NMBR: variants seen among roughly 807,000 people sequenced by gnomAD.
NMBR encodes neuromedin B receptor, also known as neuromedin-B receptor.
A neutral mutation model predicts 20.5 loss-of-function variants in NMBR; 16 were observed. The ratio of observed to expected loss-of-function variants is 0.78; its 90% CI spans 0.53 to 1.19. NMBR has a LOEUF of 1.19. Among genes scored for constraint, NMBR ranks in the 50% most tolerant of loss-of-function variants. The pLI is 0.00. For synonymous variants in NMBR, 212 were observed against 196.6 expected, an observed-to-expected ratio of 1.08 and a Z score of -0.65; for missense variants, 582 against 499.1, an observed-to-expected ratio of 1.17 and a Z score of -1.58.
chr6:142,122,354 G>A (rs1330703963), intron 1 of NMBR, among the ~76,000 whole-genome samples: 8 of 151,912 alleles, frequency 5.3e-5, no homozygotes, highest in Admixed American at 3.9e-4. Flanking sequence ...GAGGAAAGAA[G>A]CCATAAAAAT....
Position 142,147,114 on chromosome 6 carries a change from C to T in NMBR, c.-734G>A. On this transcript the variant is annotated 5_prime_UTR_variant, in exon 1 of 4. Transcript: ENST00000258042. ...TCGGGTCTTCTGTGGGTTCTAACCG[C>T]CGAGAGCCAAGCACCCTGAGGTTGT... 1.5e-6 allele frequency: 1 copy of T among 654,650 alleles called. No homozygotes were observed. The highest frequency in any genetic ancestry group is 2.6e-6 in the Non-Finnish European group (1 of 378,894). 40.6% of individuals were successfully genotyped at this position (654,650 alleles called of 1,614,324 possible).
At chr6:142,097,481 C>A (rs887448943) in intron 1 of NMBR, among the ~76,000 whole-genome samples, 1 of 151,936 alleles carries the variant, frequency 6.6e-6, no homozygotes, top group African/African-American at 2.4e-5. Context: ...TAAATAAAGT[C>A]AAAAAATCAT....
At chr6:142,087,331 C>A (rs1351475851) in intron 2 of NMBR, among the ~76,000 whole-genome samples, 1 of 152,162 alleles carries the variant, frequency 6.6e-6, no homozygotes, top group South Asian at 2.1e-4. Context: ...TAAGTCAGTC[C>A]TCCATTCCCA....
intron 1 of NMBR, among the ~76,000 whole-genome samples, chr6:142,127,837 T>A (rs1317813697): frequency 6.6e-6 from 1 of 152,138 alleles, no homozygotes; most frequent in African/African-American, 2.4e-5. Flanking sequence ...GTGTTGATTT[T>A]GTGTCCTGCA....
chr6:142,111,202 T>C, intron 1 of NMBR, among the ~76,000 whole-genome samples: 1 of 151,326 alleles, frequency 6.6e-6, no homozygotes, highest in South Asian at 2.1e-4. Flanking sequence ...ATCGTGCCAC[T>C]GCACTCCTGC....
intron 1 of NMBR, chr6:142,133,859 C>T (rs148882702): frequency 0.011 from 7,622 of 690,612 alleles, 114 homozygotes; most frequent in Middle Eastern, 0.016. Context: ...GGTTAAACCT[C>T]CAACTGTGAT....
At position 142,088,377 on chromosome 6, in the gene NMBR, G is replaced by A; in HGVS notation, c.282C>T (p.Leu94=). 3 of 1,614,150 alleles carry A rather than the reference G, an allele frequency of 1.9e-6. No homozygotes were observed. Among genetic ancestry groups the A allele is most frequent in the Non-Finnish European group, 2.5e-6 (3 of 1,180,020 alleles). The change falls in exon 2 of 4, where the codon CTC becomes CTT. Residue 94 remains leucine (L), a synonymous_variant. Transcript: ENST00000258042. ...NLAAGDLLLL[L]TCVPVDASRY... ...GCGAGGCGTCCACCGGGACGCAGGT[G>A]AGCAGCAGCAGCAAGTCCCCGGCCG... is the stretch of plus-strand genomic sequence containing the variant.
intron 1 of NMBR, chr6:142,134,939 T>C (rs1390714395): frequency 1.9e-6 from 1 of 531,914 alleles, no homozygotes; most frequent in African/African-American, 1.9e-5. Flanking sequence ...AATTACCTAT[T>C]GTCATGCTGC....
chr6:142,109,465 A>C (rs1033228955), intron 1 of NMBR, among the ~76,000 whole-genome samples: 1 of 148,792 alleles, frequency 6.7e-6, no homozygotes, highest in Non-Finnish European at 1.5e-5. Flanking sequence ...TGTGTAAGAC[A>C]TTGGGTATGT....
chr6:142,110,723 A>T (rs1314528302), intron 1 of NMBR, among the ~76,000 whole-genome samples: 1 of 152,204 alleles, frequency 6.6e-6, no homozygotes, highest in Admixed American at 6.5e-5. Context: ...ATGGCATGTG[A>T]TATGAATTAT....
chr6:142,077,461 A>G (rs201096657), intron 3 of NMBR, among the ~76,000 whole-genome samples: 2 of 126,358 alleles, frequency 1.6e-5, no homozygotes, highest in Non-Finnish European at 3.4e-5. Context: ...ATAAAATAGA[A>G]AGCACAGTGA....
intron 1 of NMBR, among the ~76,000 whole-genome samples, chr6:142,131,494 C>A (rs556441413): frequency 2.6e-5 from 4 of 152,270 alleles, no homozygotes; most frequent in South Asian, 2.1e-4. Context: ...GCTTTTGGAA[C>A]CTGCAGCTGT....
chr6:142,087,817 A>G (rs1777227535), intron 2 of NMBR, among the ~76,000 whole-genome samples: 1 of 152,292 alleles, frequency 6.6e-6, no homozygotes, highest in Admixed American at 6.5e-5. Context: ...TATTAAGCAG[A>G]CATTCTTACC....
Position 142,075,573 on chromosome 6 carries a change from G to A in NMBR, c.*75C>T. 21 of 1,396,054 alleles carry A rather than the reference G, an allele frequency of 1.5e-5. No homozygotes were observed. Among genetic ancestry groups the A allele is most frequent in the Non-Finnish European group, 2.0e-5 (21 of 1,035,494 alleles). The allele number at this position is 1,396,054 out of a possible 1,614,324, so 86.5% of individuals were successfully genotyped here. A position where few individuals can be genotyped will look rare whatever the true frequency, so the allele number is the denominator to read the frequency against. ...TGCCTAATAAATTAGCTAAGCAACA[G>A]CAAGTTCTGATCTGCCGAATAGGAA... On this transcript the variant is annotated 3_prime_UTR_variant, in exon 4 of 4. Coordinates refer to ENST00000258042, the MANE Select transcript of NMBR (RefSeq NM_002511.4).
chr6:142,101,294 T>G (rs577701294), intron 1 of NMBR, among the ~76,000 whole-genome samples: 1 of 152,326 alleles, frequency 6.6e-6, no homozygotes, highest in Non-Finnish European at 1.5e-5. Context: ...GAAACCTTTA[T>G]GTCAACCTTA....
intron 1 of NMBR, among the ~76,000 whole-genome samples, chr6:142,136,006 T>C (rs2114611270): frequency 6.6e-6 from 1 of 152,326 alleles, no homozygotes; most frequent in Middle Eastern, 3.4e-3. Context: ...TTTGGGTATA[T>C]ACCCAGTAAT....
intron 1 of NMBR, among the ~76,000 whole-genome samples, chr6:142,094,339 GA>G (rs1777400286): frequency 6.6e-6 from 1 of 152,168 alleles, no homozygotes; most frequent in African/African-American, 2.4e-5. Flanking sequence ...AAGTTGTAAG[GA>G]AGGGATCCAG....
At chr6:142,141,073 A>G (rs1335227946) in intron 1 of NMBR, among the ~76,000 whole-genome samples, 2 of 152,232 alleles carry the variant, frequency 1.3e-5, no homozygotes, top group African/African-American at 4.8e-5. Flanking sequence ...TTAATAAGCA[A>G]CTTGAACTAA....
At chr6:142,114,497 G>T (rs1355678042) in intron 1 of NMBR, among the ~76,000 whole-genome samples, 1 of 152,004 alleles carries the variant, frequency 6.6e-6, no homozygotes, top group Non-Finnish European at 1.5e-5. Context: ...ATTAATATGA[G>T]ACTCCTATAT....
Sources: allele counts gnomAD v4.1 joint callset (sites outside exome capture counted in the v4.1 genomes callset), GRCh38; gene constraint gnomAD v4.1.1; transcripts MANE v1.5; gene names NCBI Gene and HGNC (gene_info 2026-07-23, HGNC 2026-07-21).